Variants in EYS observed in about 807,000 individuals in gnomAD.
EYS encodes the protein EGF-like photoreceptor maintenance factor.
In EYS, 250 loss-of-function variants were observed where a neutral mutation model predicts 282.1. The ratio of observed to expected loss-of-function variants is 0.89; its 90% CI spans 0.80 to 0.98. The LOEUF (loss-of-function observed/expected upper bound fraction) is 0.98, where lower values mean the gene tolerates loss of function less well. Among genes scored for constraint, EYS ranks in the 50% least tolerant of loss-of-function variants. The pLI, the probability that EYS is intolerant of heterozygous loss-of-function variation, is 0.00. For missense variants in EYS, 4,016 were observed against 3,709.0 expected (o/e 1.08, Z -2.15); for synonymous variants, 1,355 against 1,282.9 (o/e 1.06, Z -1.20).
intron 15 of EYS, among the ~76,000 whole-genome samples, chr6:64,914,769 C>A (rs1189553589): frequency 3.3e-5 from 5 of 151,948 alleles, no homozygotes; most frequent in Admixed American, 3.3e-4. Context: ...AAGTTTAAAT[C>A]CAATGCATTG....
chr6:63,772,232 C>T (rs1162061860), intron 40 of EYS, among the ~76,000 whole-genome samples: 1 of 151,926 alleles, frequency 6.6e-6, no homozygotes, highest in African/African-American at 2.4e-5. Context: ...ACAATCTTGG[C>T]TCACTGCAGC....
chr6:65,176,705 A>C (rs1350931674), intron 12 of EYS, among the ~76,000 whole-genome samples: 2 of 151,688 alleles, frequency 1.3e-5, no homozygotes, highest in Non-Finnish European at 1.5e-5. Context: ...TTGTCTATAA[A>C]TTAGAGATAG....
Position 65,129,502 on chromosome 6 carries a change from G to A in EYS, c.2024-71775C>T, listed in dbSNP as rs115817273. 9.0e-3 allele frequency among the ~76,000 whole-genome samples: 1,362 copies of A among 151,964 alleles called. 21 individuals carry two copies. The highest frequency in any genetic ancestry group is 0.031 in the African/African-American group (1,288 of 41,490). ...ATAACCCCATTAAAAAATGGTCAAA[G>A]GACATGAACAGACACTTCTCAAAAC... On this transcript the variant is annotated intron_variant, in intron 12 of 42. Coordinates refer to ENST00000503581, the MANE Select transcript of EYS (RefSeq NM_001142800.2).
At chr6:64,222,097 C>A (rs932557878) in intron 31 of EYS, among the ~76,000 whole-genome samples, 1 of 151,920 alleles carries the variant, frequency 6.6e-6, no homozygotes, top group Admixed American at 6.6e-5. Flanking sequence ...TTATTCAGGT[C>A]CATATCTATG....
chr6:65,042,096 G>A (rs145146384), intron 13 of EYS, among the ~76,000 whole-genome samples: 1 of 151,642 alleles, frequency 6.6e-6, no homozygotes, highest in African/African-American at 2.4e-5. Context: ...GTTGACTGGA[G>A]TTACTGATCA....
rs201127615 is a variant in EYS at position 65,350,442 on chromosome 6, T to C, written c.1459+3016A>G. Among the ~76,000 whole-genome samples, 24 of 151,604 alleles carry C rather than the reference T, an allele frequency of 1.6e-4. No individual in the cohort carries two copies. In the East Asian group the frequency reaches 4.1e-3, roughly 26 times the overall value. ...TCAAAGTAAATATTTGTTTGCAATA[T>C]CAACTCACAAATGCAACAATCACTA... is the stretch of plus-strand genomic sequence containing the variant. On this transcript the variant is annotated intron_variant, in intron 9 of 42. Transcript: ENST00000503581.
intron 30 of EYS, among the ~76,000 whole-genome samples, chr6:64,278,376 A>G (rs1226287932): frequency 1.3e-5 from 2 of 152,148 alleles, no homozygotes; most frequent in African/African-American, 4.8e-5. Context: ...GAAATTATTC[A>G]TTCTTATTAA....
At chr6:63,737,212 T>C (rs1199801548) in intron 41 of EYS, among the ~76,000 whole-genome samples, 1 of 152,234 alleles carries the variant, frequency 6.6e-6, no homozygotes, top group East Asian at 1.9e-4. Context: ...CAGGATGATA[T>C]TGGCTGTGGG....
chr6:64,174,503 T>C (rs1764569777), intron 31 of EYS, among the ~76,000 whole-genome samples: 1 of 151,720 alleles, frequency 6.6e-6, no homozygotes, highest in African/African-American at 2.4e-5. Flanking sequence ...AATCTAAAGC[T>C]CTAAAATTAA....
chr6:65,581,911 T>C lies in EYS; in HGVS notation c.-333+57867A>G, dbSNP rs543512053. On this transcript the variant is annotated intron_variant, in intron 2 of 42. Coordinates refer to ENST00000503581, the MANE Select transcript of EYS (RefSeq NM_001142800.2). ...TGATTTTAAAATCTAAAAGCTTGGCTGGGCATGGTGGCTCACACCTGTCAT... is the reference window on the plus strand; with the variant it reads ...TGATTTTAAAATCTAAAAGCTTGGCCGGGCATGGTGGCTCACACCTGTCAT... 2.6e-3 allele frequency among the ~76,000 whole-genome samples: 394 copies of C among 152,058 alleles called. 4 individuals carry two copies. The highest frequency in any genetic ancestry group is 1.3e-3 in the Non-Finnish European group (85 of 67,988).
chr6:64,846,766 T>G (rs998151901), intron 19 of EYS, among the ~76,000 whole-genome samples: 1 of 152,118 alleles, frequency 6.6e-6, no homozygotes, highest in Non-Finnish European at 1.5e-5. Context: ...GGTAATGCAG[T>G]GAATTTAGGG....
At chr6:63,760,648 A>ATATC (rs36182718) in intron 41 of EYS, among the ~76,000 whole-genome samples, 6,903 of 145,936 alleles carry the variant, frequency 0.047, 176 homozygotes, top group Non-Finnish European at 0.053. Flanking sequence ...GTATGTATGT[A>ATATC]TATCTATCTA....
chr6:64,006,616 C>T (rs942426655), intron 33 of EYS, among the ~76,000 whole-genome samples: 7 of 152,084 alleles, frequency 4.6e-5, no homozygotes, highest in Non-Finnish European at 1.0e-4. Flanking sequence ...ATGATGTTGG[C>T]TGTGGATTTG....
At chr6:64,185,832 A>T (rs987819446) in intron 31 of EYS, among the ~76,000 whole-genome samples, 2 of 152,154 alleles carry the variant, frequency 1.3e-5, no homozygotes, top group African/African-American at 4.8e-5. Flanking sequence ...CAGATGTGCT[A>T]TTCACTTAAT....
At chr6:65,453,985 A>C (rs1276377530) in intron 5 of EYS, among the ~76,000 whole-genome samples, 1 of 151,730 alleles carries the variant, frequency 6.6e-6, no homozygotes, top group East Asian at 1.9e-4. Context: ...TGCTGTAATA[A>C]GTATGAAAGT....
At chr6:65,400,220 A>C (rs997560381) in intron 7 of EYS, among the ~76,000 whole-genome samples, 1 of 151,974 alleles carries the variant, frequency 6.6e-6, no homozygotes, top group East Asian at 1.9e-4. Context: ...CTAAACCACC[A>C]CCCAAATACT....
intron 14 of EYS, among the ~76,000 whole-genome samples, chr6:64,969,976 G>A (rs1770233036): frequency 2.6e-5 from 4 of 152,098 alleles, no homozygotes; most frequent in African/African-American, 9.7e-5. Flanking sequence ...CTTTAATACA[G>A]TAGCTATTTC....
chr6:65,292,994 A>G (rs9342463), intron 12 of EYS, among the ~76,000 whole-genome samples: 141,931 of 151,604 alleles, frequency 0.94, 66,764 homozygotes, highest in East Asian at 1. Flanking sequence ...ATGAAAACTA[A>G]CAAGTCTATC....
intron 33 of EYS, among the ~76,000 whole-genome samples, chr6:64,038,357 T>C (rs911083591): frequency 6.6e-6 from 1 of 152,164 alleles, no homozygotes; most frequent in Admixed American, 6.5e-5. Flanking sequence ...AGGTAATATA[T>C]ATGTTAATTA....
Sources: allele counts gnomAD v4.1 joint callset (sites outside exome capture counted in the v4.1 genomes callset), GRCh38; gene constraint gnomAD v4.1.1; transcripts MANE v1.5; gene names NCBI Gene and HGNC (gene_info 2026-07-23, HGNC 2026-07-21).